Variants in PTK2 observed in about 807,000 individuals in gnomAD.
The protein encoded by PTK2 is focal adhesion kinase 1.
A neutral mutation model predicts 150.1 loss-of-function variants in PTK2; 45 were observed. The observed-to-expected ratio is 0.30, with a 90% CI of 0.24 to 0.38. PTK2 has a LOEUF of 0.38. Among genes scored for constraint, PTK2 ranks in the 10% least tolerant of loss-of-function variants. The probability of loss-of-function intolerance (pLI) is 1.00; values close to 1 mark genes in which losing one functional copy is unlikely to be tolerated. For synonymous variants in PTK2, 432 were observed against 449.2 expected, an observed-to-expected ratio of 0.96 and a Z score of 0.48; for missense variants, 919 against 1,307.3, an observed-to-expected ratio of 0.70 and a Z score of 4.58.
At chr8:140,902,038 T>A (rs965616674) in intron 2 of PTK2, among the ~76,000 whole-genome samples, 1 of 147,466 alleles carries the variant, frequency 6.8e-6, no homozygotes, top group African/African-American at 2.5e-5. Context: ...GTGCCACATT[T>A]TTTTTTTTTT....
At chr8:140,715,155 GTTTTTTTTTTTTTTT>G (rs67306225) in intron 23 of PTK2, among the ~76,000 whole-genome samples, 16 of 56,022 alleles carry the variant, frequency 2.9e-4, no homozygotes, top group East Asian at 2.0e-3. Context: ...CATTAAAACC[GTTTTTTTTTTTTTTT>G]TTTTTTTTTT....
At chr8:140,836,071 T>A (rs2154603397) in intron 7 of PTK2, among the ~76,000 whole-genome samples, 1 of 151,490 alleles carries the variant, frequency 6.6e-6, no homozygotes, top group South Asian at 2.1e-4. Context: ...GGTAAATAAT[T>A]ATCTGGTTTT....
chr8:140,761,184 T>G (rs2100069218), exon 16 of PTK2: 1 of 1,610,272 alleles, frequency 6.2e-7, no homozygotes, highest in African/African-American at 1.3e-5. Context: ...ATAAATGCCT[T>G]GATGTACATC....
At chr8:140,823,441 T>C (rs2100110020) in intron 8 of PTK2, among the ~76,000 whole-genome samples, 1 of 151,550 alleles carries the variant, frequency 6.6e-6, no homozygotes, top group African/African-American at 2.4e-5. Context: ...GTAACGGAGA[T>C]AGAAGTCGAG....
At chr8:140,987,613 C>T (rs1205147049) in intron 1 of PTK2, among the ~76,000 whole-genome samples, 3 of 152,206 alleles carry the variant, frequency 2.0e-5, no homozygotes, top group Non-Finnish European at 2.9e-5. Context: ...CCATTACACA[C>T]TGAATTAAAA....
intron 22 of PTK2, 70 bp downstream of exon 25, chr8:140,735,181 T>G: frequency 7.0e-7 from 1 of 1,420,262 alleles, no homozygotes; most frequent in Non-Finnish European, 9.8e-7. Flanking sequence ...CTTAAAATGC[T>G]ATTACTGCAA....
intron 30 of PTK2, 91 bp downstream of exon 34, chr8:140,668,178 G>A: frequency 6.8e-7 from 1 of 1,463,598 alleles, no homozygotes; most frequent in East Asian, 2.3e-5. Flanking sequence ...CTTTGGTGGG[G>A]CGGGGGGACC....
intron 14 of PTK2, among the ~76,000 whole-genome samples, chr8:140,778,471 C>A (rs1458778178): frequency 2.0e-5 from 3 of 152,150 alleles, no homozygotes; most frequent in Non-Finnish European, 2.9e-5. Context: ...GTAGATCTAA[C>A]TGGGTGAGGA....
intron 16 of PTK2, among the ~76,000 whole-genome samples, 191 bp downstream of exon 19, chr8:140,760,974 A>G (rs2100069087): frequency 1.3e-5 from 2 of 152,230 alleles, no homozygotes; most frequent in Admixed American, 1.3e-4. Flanking sequence ...CCAGCCTTGT[A>G]GGAGCTAATG....
chr8:140,792,698 A>T (rs2100089202), intron 13 of PTK2, among the ~76,000 whole-genome samples: 1 of 152,234 alleles, frequency 6.6e-6, no homozygotes, highest in Non-Finnish European at 1.5e-5. Flanking sequence ...AAGGAGAGGG[A>T]CAGAACAAAG....
At chr8:140,958,075 A>G (rs1265765831) in intron 1 of PTK2, among the ~76,000 whole-genome samples, 2 of 152,146 alleles carry the variant, frequency 1.3e-5, no homozygotes, top group Non-Finnish European at 2.9e-5. Context: ...TTTTTTATGC[A>G]AACTGTTAGA....
intron 2 of PTK2, among the ~76,000 whole-genome samples, chr8:140,912,239 T>A (rs1232982563): frequency 6.7e-6 from 1 of 148,636 alleles, no homozygotes; most frequent in Non-Finnish European, 1.5e-5. Context: ...TAACACTCTG[T>A]CTCTATAAAA....
At chr8:140,914,959 G>C (rs1309794794) in intron 2 of PTK2, among the ~76,000 whole-genome samples, 1 of 148,072 alleles carries the variant, frequency 6.8e-6, no homozygotes, top group Non-Finnish European at 1.5e-5. Context: ...CTTGAACCCG[G>C]GAGGCAGAGG....
chr8:140,890,144 G>A (rs2100153739), intron 3 of PTK2, among the ~76,000 whole-genome samples: 1 of 152,016 alleles, frequency 6.6e-6, no homozygotes, highest in African/African-American at 2.4e-5. Context: ...GAGTTTTAAA[G>A]GAAATTATCC....
intron 29 of PTK2, 77 bp downstream of exon 33, chr8:140,669,650 C>A: frequency 6.8e-7 from 1 of 1,480,582 alleles, no homozygotes. Flanking sequence ...TTCCTGCTTT[C>A]CAGTCCAAAG....
intron 4 of PTK2, among the ~76,000 whole-genome samples, chr8:140,869,073 T>C (rs1225054853): frequency 2.0e-5 from 3 of 152,148 alleles, no homozygotes; most frequent in African/African-American, 7.2e-5. Flanking sequence ...TTCCCACATA[T>C]ACAAGACTGA....
intron 1 of PTK2, among the ~76,000 whole-genome samples, chr8:140,933,633 G>T (rs1235034100): frequency 6.6e-6 from 1 of 152,232 alleles, no homozygotes; most frequent in East Asian, 1.9e-4. Context: ...TATGCCAAGT[G>T]TTAGAAGCCA....
chr8:140,669,710 A>C lies in PTK2; in HGVS notation c.2710-1286T>G. ...TAGAGAGAGCTGGACAGACACACAAAGACACGATGTGCTTACCCTCCATGG... is the reference window on the plus strand; with the variant it reads ...TAGAGAGAGCTGGACAGACACACAACGACACGATGTGCTTACCCTCCATGG... On this transcript the variant is annotated intron_variant, in intron 29 of 31. Coordinates refer to ENST00000522684, the Ensembl canonical transcript of PTK2. 2 of 1,533,460 alleles carry C rather than the reference A, an allele frequency of 1.3e-6. No homozygotes were observed. Among genetic ancestry groups the C allele is most frequent in the East Asian group, 4.9e-5 (2 of 40,914 alleles). The allele number at this position is 1,533,460 out of a possible 1,614,324, so 95.0% of individuals were successfully genotyped here.
intron 4 of PTK2, 79 bp from the exon 5 acceptor site, chr8:140,864,478 G>T: frequency 1.4e-6 from 1 of 699,358 alleles, no homozygotes; most frequent in Non-Finnish European, 2.3e-6. Flanking sequence ...AATATTGTGA[G>T]TATAGCATTC....
Sources: allele counts gnomAD v4.1 joint callset (sites outside exome capture counted in the v4.1 genomes callset), GRCh38; gene constraint gnomAD v4.1.1; transcripts MANE v1.5; gene names NCBI Gene and HGNC (gene_info 2026-07-23, HGNC 2026-07-21).